The following ACCSL variants were observed in gnomAD, a reference collection of about 807,000 sequenced individuals.
ACCSL encodes the protein 1-aminocyclopropane-1-carboxylate synthase homolog (inactive) like, also known as probable inactive 1-aminocyclopropane-1-carboxylate synthase-like protein 2.
A neutral mutation model predicts 61.7 loss-of-function variants in ACCSL; 55 were observed. The observed-to-expected ratio is 0.89, with a 90% confidence interval of 0.72 to 1.12. ACCSL has a LOEUF of 1.12. Among genes scored for constraint, ACCSL ranks in the 50% most tolerant of loss-of-function variants. ACCSL has a pLI of 0.00. For missense variants in ACCSL, 632 were observed against 698.0 expected, an observed-to-expected ratio of 0.91 and a Z score of 1.07; for synonymous variants, 258 against 264.3, an observed-to-expected ratio of 0.98 and a Z score of 0.23.
At chr11:43,979,199 G>A in the ACCSL span, among the ~76,000 whole-genome samples, 4 of 152,202 alleles carry the variant, frequency 2.6e-5, no homozygotes, top group South Asian at 8.3e-4. Context: ...AGTGGTGGTG[G>A]CACATGCCTG....
the ACCSL span, among the ~76,000 whole-genome samples, chr11:43,927,778 G>T: frequency 7.0e-3 from 1,068 of 152,292 alleles, 24 homozygotes; most frequent in East Asian, 0.056. Context: ...AGAAACTCCT[G>T]CCCTGCTTGA....
the ACCSL span, among the ~76,000 whole-genome samples, chr11:44,021,343 T>A: frequency 9.9e-4 from 151 of 152,326 alleles, no homozygotes; most frequent in Non-Finnish European, 2.0e-3. Flanking sequence ...TGCATTGTGG[T>A]TTTGATTTGT....
the ACCSL span, among the ~76,000 whole-genome samples, chr11:43,990,519 CT>C: frequency 6.6e-6 from 1 of 152,198 alleles, no homozygotes; most frequent in African/African-American, 2.4e-5. Context: ...TTAATACCCC[CT>C]AAAAGCCCCT....
At chr11:43,958,971 A>G in the ACCSL span, among the ~76,000 whole-genome samples, 1 of 152,144 alleles carries the variant, frequency 6.6e-6, no homozygotes, top group African/African-American at 2.4e-5. Flanking sequence ...GGGGATGAAC[A>G]CATGGCAGAA....
At chr11:44,029,653 C>T in the ACCSL span, among the ~76,000 whole-genome samples, 1 of 152,106 alleles carries the variant, frequency 6.6e-6, no homozygotes, top group African/African-American at 2.4e-5. Flanking sequence ...ATGTTGAGGC[C>T]TAAACAAGGG....
chr11:44,039,495 A>C, the ACCSL span, among the ~76,000 whole-genome samples: 4 of 151,894 alleles, frequency 2.6e-5, no homozygotes, highest in Non-Finnish European at 2.9e-5. Flanking sequence ...GATTTTGGGG[A>C]CTCGGGGGGA....
chr11:44,036,609 C>T, the ACCSL span, among the ~76,000 whole-genome samples: 2 of 151,150 alleles, frequency 1.3e-5, no homozygotes, highest in African/African-American at 4.9e-5. Flanking sequence ...TGGCAAAACC[C>T]TGTCTCTACA....
chr11:43,974,592 A>G, the ACCSL span, among the ~76,000 whole-genome samples: 1 of 152,180 alleles, frequency 6.6e-6, no homozygotes, highest in African/African-American at 2.4e-5. Flanking sequence ...TCAATCCCCA[A>G]CACCAGCCTC....
the ACCSL span, among the ~76,000 whole-genome samples, chr11:43,978,569 C>T: frequency 6.6e-6 from 1 of 152,256 alleles, no homozygotes; most frequent in Non-Finnish European, 1.5e-5. Flanking sequence ...TACCCACTGT[C>T]AATGTCCCAT....
chr11:44,006,175 C>T, the ACCSL span, among the ~76,000 whole-genome samples: 1 of 152,156 alleles, frequency 6.6e-6, no homozygotes, highest in African/African-American at 2.4e-5. Context: ...CCTCTGGCAG[C>T]CAGGGCCTGG....
the ACCSL span, among the ~76,000 whole-genome samples, chr11:43,936,491 C>T: frequency 6.7e-6 from 1 of 148,960 alleles, no homozygotes; most frequent in Non-Finnish European, 1.5e-5. Context: ...TACACACTGG[C>T]ACCCAGGGGC....
the ACCSL span, among the ~76,000 whole-genome samples, chr11:44,003,227 C>T: frequency 3.9e-5 from 6 of 152,206 alleles, no homozygotes; most frequent in African/African-American, 9.6e-5. Context: ...ACGGAAGTCA[C>T]CTCAGAGAGG....
chr11:43,941,586 G>A, the ACCSL span, among the ~76,000 whole-genome samples: 27 of 152,202 alleles, frequency 1.8e-4, no homozygotes, highest in Non-Finnish European at 3.8e-4. Flanking sequence ...GGACTGCCCT[G>A]TGGACCTGCT....
the ACCSL span, chr11:43,943,814 C>A: frequency 7.7e-7 from 1 of 1,302,292 alleles, no homozygotes; most frequent in African/African-American, 1.5e-5. This position sits in a 1 kb window ranked among gnomAD's most constrained non-coding sequence, Gnocchi z 4.8. Flanking sequence ...ATTTAACGAT[C>A]TTTTTACCTG....
the ACCSL span, among the ~76,000 whole-genome samples, chr11:43,948,227 A>G: frequency 6.6e-6 from 1 of 152,334 alleles, no homozygotes; most frequent in South Asian, 2.1e-4. Flanking sequence ...AATTGAGGTC[A>G]GCTATGGACT....
chr11:43,948,913 A>C, the ACCSL span, among the ~76,000 whole-genome samples: 3,695 of 152,322 alleles, frequency 0.024, 148 homozygotes, highest in African/African-American at 0.084. Context: ...GCTCCCTGCA[A>C]ACATATGCAT....
the ACCSL span, among the ~76,000 whole-genome samples, chr11:43,941,945 TG>T: frequency 1.4e-3 from 206 of 151,510 alleles, 1 homozygote; most frequent in Non-Finnish European, 2.2e-3. Context: ...CCGAGGGACT[TG>T]GGTGGGGGAG....
the ACCSL span, among the ~76,000 whole-genome samples, chr11:43,965,495 G>C: frequency 6.6e-6 from 1 of 152,122 alleles, no homozygotes; most frequent in South Asian, 2.1e-4. Flanking sequence ...CATGGATTGG[G>C]AGATTTACTA....
At chr11:44,045,675 G>A (rs117696372), upstream of ACCSL, among the ~76,000 whole-genome samples, 940 of 152,294 alleles carry the variant, frequency 6.2e-3, 9 homozygotes, top group South Asian at 0.051. Context: ...CCCCGGCTGA[G>A]TGCTTGGTAT....
Sources: allele counts gnomAD v4.1 joint callset (sites outside exome capture counted in the v4.1 genomes callset), GRCh38; gene constraint gnomAD v4.1.1; non-coding constraint Gnocchi (gnomAD v3.1); transcripts MANE v1.5; gene names NCBI Gene and HGNC (gene_info 2026-07-23, HGNC 2026-07-21).